Variants in RAB7B observed in about 807,000 individuals in gnomAD.
RAB7B encodes RAB7B, member RAS oncogene family.
chr1:205,998,359 C>T (rs1411712336), intron 1 of RAB7B, among the ~76,000 whole-genome samples: 6 of 152,084 alleles, frequency 3.9e-5, no homozygotes, highest in African/African-American at 7.2e-5. Context: ...CGGTCTCAAA[C>T]AAACAAATAA....
intron 4 of RAB7B, among the ~76,000 whole-genome samples, chr1:205,989,817 CA>C (rs1317701131): frequency 1.3e-5 from 2 of 152,158 alleles, no homozygotes; most frequent in Non-Finnish European, 2.9e-5. Flanking sequence ...ACGGAGACCC[CA>C]CCTCAAACTC....
intron 5 of RAB7B, among the ~76,000 whole-genome samples, chr1:205,984,982 C>G (rs1660564482): frequency 6.6e-6 from 1 of 152,166 alleles, no homozygotes; most frequent in African/African-American, 2.4e-5. Context: ...CCCACCAGAC[C>G]ACACTGTATT....
At chr1:205,992,864 C>G (rs1660749031) in intron 3 of RAB7B, among the ~76,000 whole-genome samples, 169 bp from the exon 4 acceptor site, 1 of 152,242 alleles carries the variant, frequency 6.6e-6, no homozygotes, top group South Asian at 2.1e-4. Context: ...CACCCACATA[C>G]ACTCCAGCAC....
chr1:205,992,023 C>T (rs1660730132), intron 4 of RAB7B, among the ~76,000 whole-genome samples: 1 of 152,234 alleles, frequency 6.6e-6, no homozygotes, highest in Admixed American at 6.5e-5. Flanking sequence ...CTGCAGACCT[C>T]CAACTTGACC....
At chr1:206,002,394 G>T (rs1229384430) in intron 1 of RAB7B, among the ~76,000 whole-genome samples, 3 of 152,122 alleles carry the variant, frequency 2.0e-5, no homozygotes, top group African/African-American at 7.2e-5. Flanking sequence ...ACACCTCTCT[G>T]TATCCCACTA....
Position 205,977,555 on chromosome 1 carries a change from A to C in RAB7B, c.*1296T>G, listed in dbSNP as rs1660405510. 6.6e-6 allele frequency: 1 copy of C among 152,190 alleles called. No homozygotes were observed. The highest frequency in any genetic ancestry group is 2.1e-4 in the South Asian group (1 of 4,820). The allele number at this position is 152,190 out of a possible 1,614,324, so 9.4% of individuals were successfully genotyped here. ...GCATCCACTTTCTGCTCAGCCTGGA[A>C]GAGAAGGAGCACTGCTGCCCTCTGG... is the stretch of plus-strand genomic sequence containing the variant. On this transcript the variant is annotated 3_prime_UTR_variant, in exon 6 of 6. Transcript: ENST00000617070.
chr1:206,001,562 C>T (rs1208245802), intron 1 of RAB7B, among the ~76,000 whole-genome samples: 1 of 152,192 alleles, frequency 6.6e-6, no homozygotes, highest in Non-Finnish European at 1.5e-5. Flanking sequence ...AAGGAATCCT[C>T]CTAGAGGCTA....
chr1:205,976,843 A>G lies in RAB7B; in HGVS notation c.*2008T>C, dbSNP rs918252849. 6.6e-6 allele frequency: 1 copy of G among 152,214 alleles called. No individual in the cohort carries two copies. The highest frequency in any genetic ancestry group is 2.4e-5 in the African/African-American group (1 of 41,456). 9.4% of individuals were successfully genotyped at this position (152,214 alleles called of 1,614,324 possible). On this transcript the variant is annotated 3_prime_UTR_variant, in exon 6 of 6. Coordinates refer to ENST00000617070, the MANE Select transcript of RAB7B (RefSeq NM_001164522.3). ...TGCTGCATGCACACCGCACGTGACAATCCAGTCTGCCTGACTCCCAGGACA... is the reference window on the plus strand; with the variant it reads ...TGCTGCATGCACACCGCACGTGACAGTCCAGTCTGCCTGACTCCCAGGACA...
chr1:205,991,824 A>T (rs1220479033), intron 4 of RAB7B, among the ~76,000 whole-genome samples: 1 of 152,224 alleles, frequency 6.6e-6, no homozygotes, highest in African/African-American at 2.4e-5. Context: ...TTCTTTCCTC[A>T]TTAGTAGGCA....
At chr1:205,992,249 C>G in intron 4 of RAB7B, among the ~76,000 whole-genome samples, 1 of 152,298 alleles carries the variant, frequency 6.6e-6, no homozygotes, top group Non-Finnish European at 1.5e-5. Context: ...TATTGTGGTT[C>G]CTTAATGCCC....
chr1:205,982,060 A>T (rs1660503454), intron 5 of RAB7B, among the ~76,000 whole-genome samples: 1 of 152,236 alleles, frequency 6.6e-6, no homozygotes, highest in Non-Finnish European at 1.5e-5. Flanking sequence ...CTCTGCTCTC[A>T]GCAGGTGCCT....
chr1:205,987,360 T>C (rs1000077648), intron 4 of RAB7B, among the ~76,000 whole-genome samples: 3 of 152,372 alleles, frequency 2.0e-5, no homozygotes, highest in Middle Eastern at 3.4e-3. Context: ...AAAGTGTTAC[T>C]TGCATTAATG....
intron 5 of RAB7B, among the ~76,000 whole-genome samples, chr1:205,981,955 G>T (rs1030330552): frequency 0.012 from 1,841 of 151,546 alleles, 16 homozygotes; most frequent in Non-Finnish European, 0.018. Context: ...ACCTACTCTG[G>T]TTTCTTTCAG....
intron 4 of RAB7B, among the ~76,000 whole-genome samples, 183 bp from the exon 5 acceptor site, chr1:205,985,848 T>TGG (rs1660596029): frequency 1.6e-4 from 1 of 6,394 alleles, no homozygotes; most frequent in African/African-American, 4.8e-4. Flanking sequence ...CCACCACCAC[T>TGG]CCCATTTATT....
chr1:206,000,213 G>C (rs1660869810), intron 1 of RAB7B, among the ~76,000 whole-genome samples: 1 of 152,252 alleles, frequency 6.6e-6, no homozygotes. Flanking sequence ...TGATTCATAA[G>C]AGGGATGGGA....
chr1:205,987,280 A>G (rs1051774553), intron 4 of RAB7B, among the ~76,000 whole-genome samples: 1 of 152,174 alleles, frequency 6.6e-6, no homozygotes, highest in African/African-American at 2.4e-5. Flanking sequence ...ATTATTTATA[A>G]CTTAGGCTCT....
At chr1:205,989,499 A>T (rs1399252670) in intron 4 of RAB7B, among the ~76,000 whole-genome samples, 1 of 151,700 alleles carries the variant, frequency 6.6e-6, no homozygotes, top group East Asian at 1.9e-4. Flanking sequence ...CGCAGCCGCC[A>T]CCTCTCATGG....
intron 1 of RAB7B, among the ~76,000 whole-genome samples, chr1:205,997,014 G>A (rs1660820606): frequency 6.6e-6 from 1 of 152,150 alleles, no homozygotes; most frequent in Non-Finnish European, 1.5e-5. Flanking sequence ...TTTGGGTGGG[G>A]ACACAGCCAA....
At chr1:205,993,756 G>C (rs1660764759) in intron 2 of RAB7B, among the ~76,000 whole-genome samples, 1 of 152,224 alleles carries the variant, frequency 6.6e-6, no homozygotes, top group Non-Finnish European at 1.5e-5. Context: ...AAAGTGAGCA[G>C]AGTAGTCTGG....
Sources: allele counts gnomAD v4.1 joint callset (sites outside exome capture counted in the v4.1 genomes callset), GRCh38; gene constraint gnomAD v4.1.1; transcripts MANE v1.5; gene names NCBI Gene and HGNC (gene_info 2026-07-23, HGNC 2026-07-21).